LARGE1: variants seen among roughly 807,000 people sequenced by gnomAD.
LARGE1 encodes LARGE xylosyl- and glucuronyltransferase 1.
LARGE1 carries 43 observed loss-of-function variants against 87.6 expected under a neutral mutation model. The observed-to-expected ratio is 0.49, with a 90% confidence interval of 0.38 to 0.63. LARGE1 has a LOEUF of 0.63. Among genes scored for constraint, LARGE1 ranks in the 30% least tolerant of loss-of-function variants. The pLI, the probability that LARGE1 is intolerant of heterozygous loss-of-function variation, is 0.00. For synonymous variants in LARGE1, 434 were observed against 394.6 expected, an observed-to-expected ratio of 1.10 and a Z score of -1.18; for missense variants, 802 against 1,000.2, an observed-to-expected ratio of 0.80 and a Z score of 2.67.
chr22:33,427,395 G>C (rs959297085), intron 7 of LARGE1, among the ~76,000 whole-genome samples: 3 of 152,186 alleles, frequency 2.0e-5, no homozygotes, highest in Non-Finnish European at 4.4e-5. Flanking sequence ...GAGATGAATG[G>C]GAGATGGTGG....
chr22:33,784,867 G>A lies in LARGE1; in HGVS notation c.-82-23309C>T, dbSNP rs117447920. Among the ~76,000 whole-genome samples the A allele has an allele frequency of 7.3e-3, 1,093 of 150,214 alleles. 9 individuals are homozygous for A. Among genetic ancestry groups the A allele is most frequent in the African/African-American group, 0.023 (951 of 40,912 alleles). On this transcript the variant is annotated intron_variant, in intron 1 of 14. Coordinates refer to ENST00000397394, the MANE Select transcript of LARGE1 (RefSeq NM_133642.5). ...ACACATAGACAGTTTATATTTGTAC[G>A]TATTTATACTATATTTGTACAGTAT...
chr22:33,152,871 A>G, the LARGE1 span, among the ~76,000 whole-genome samples: 59 of 151,954 alleles, frequency 3.9e-4, no homozygotes, highest in African/African-American at 1.3e-3. Context: ...TTTTGTTATT[A>G]TTTTTTATCT....
At chr22:33,183,636 A>ACACACACACACGCACG (rs1555880700) in intron 11 of LARGE1, among the ~76,000 whole-genome samples, 6 of 150,146 alleles carry the variant, frequency 4.0e-5, no homozygotes, top group Admixed American at 6.6e-5. Context: ...ACACACACAC[A>ACACACACACACGCACG]CACACACACA....
chr22:33,684,849 G>C (rs989729212), intron 2 of LARGE1, among the ~76,000 whole-genome samples: 11 of 152,172 alleles, frequency 7.2e-5, no homozygotes, highest in Admixed American at 2.0e-4. Context: ...AGTTGATTCA[G>C]ATCAACTTCT....
At chr22:33,247,069 GTGTGTGTGTGTGTGTGTTGT>G (rs1364809840) in intron 11 of LARGE1, among the ~76,000 whole-genome samples, 1 of 138,506 alleles carries the variant, frequency 7.2e-6, no homozygotes, top group African/African-American at 3.5e-5. Flanking sequence ...GTGTGTGTGT[GTGTGTGTGTGTGTGTGTTGT>G]ATCTTTTCAG....
chr22:33,781,924 T>C (rs1036831614), intron 1 of LARGE1, among the ~76,000 whole-genome samples: 2 of 151,582 alleles, frequency 1.3e-5, no homozygotes, highest in African/African-American at 4.9e-5. Context: ...TAAAAGAAAA[T>C]CAATGTGTGT....
At chr22:33,433,209 A>G (rs890519753) in intron 6 of LARGE1, among the ~76,000 whole-genome samples, 2 of 152,198 alleles carry the variant, frequency 1.3e-5, no homozygotes, top group African/African-American at 4.8e-5. Flanking sequence ...ATTTGTTTGA[A>G]ACAAAGATTC....
intron 6 of LARGE1, among the ~76,000 whole-genome samples, chr22:33,459,935 A>T (rs2068304756): frequency 6.6e-6 from 1 of 152,216 alleles, no homozygotes; most frequent in Admixed American, 6.5e-5. Context: ...AGCCTAGGCA[A>T]TGGGCAGATA....
intron 1 of LARGE1, among the ~76,000 whole-genome samples, chr22:33,866,041 G>T (rs1942127039): frequency 1.3e-5 from 2 of 151,340 alleles, no homozygotes; most frequent in African/African-American, 4.9e-5. Flanking sequence ...TAGAGATAGG[G>T]TTTCACCATG....
rs2069015189 is a variant in LARGE1 at position 33,475,110 on chromosome 22, CAG to C, written c.788-42847_788-42846del. 2.0e-5 allele frequency among the ~76,000 whole-genome samples: 3 copies of C among 152,074 alleles called. No homozygotes were observed. In the South Asian group the frequency reaches 6.2e-4, roughly 32 times the overall value. On this transcript the variant is annotated intron_variant, in intron 6 of 14. Coordinates refer to ENST00000397394, the MANE Select transcript of LARGE1 (RefSeq NM_133642.5). ...GAATGGCATAGTCTACTCACTGGAA[CAG>C]AGTCTTTGTGTTTAATATGAGGGGT...
At chr22:33,142,423 C>G in the LARGE1 span, among the ~76,000 whole-genome samples, 3 of 152,130 alleles carry the variant, frequency 2.0e-5, no homozygotes, top group South Asian at 4.1e-4. Context: ...CTAGCTGTGA[C>G]ATTGGCCTTC....
intron 1 of LARGE1, among the ~76,000 whole-genome samples, chr22:33,778,276 C>T (rs191376343): frequency 2.4e-4 from 36 of 152,208 alleles, no homozygotes; most frequent in Non-Finnish European, 4.7e-4. Context: ...TCAAGATACC[C>T]CCTGATTTGA....
chr22:33,284,829 C>G (rs2145913110), intron 12 of LARGE1, among the ~76,000 whole-genome samples: 1 of 152,296 alleles, frequency 6.6e-6, no homozygotes. Context: ...CCCGCCTTGG[C>G]CTCCCAAAGT....
intron 6 of LARGE1, among the ~76,000 whole-genome samples, chr22:33,469,259 T>C (rs551305814): frequency 6.6e-6 from 1 of 152,166 alleles, no homozygotes; most frequent in South Asian, 2.1e-4. Context: ...CTATTCACAA[T>C]AGCAAAGGCA....
the LARGE1 span, among the ~76,000 whole-genome samples, chr22:33,120,901 T>G: frequency 1.3e-5 from 2 of 151,956 alleles, no homozygotes; most frequent in African/African-American, 4.8e-5. Flanking sequence ...GGGGCTCATC[T>G]TTGAGGTCAG....
chr22:33,415,769 G>A (rs2066465068), intron 7 of LARGE1, among the ~76,000 whole-genome samples: 1 of 152,156 alleles, frequency 6.6e-6, no homozygotes, highest in African/African-American at 2.4e-5. Context: ...CCTGAGAGAT[G>A]AACACTTGGC....
At chr22:33,415,107 T>C (rs1189185519) in intron 7 of LARGE1, among the ~76,000 whole-genome samples, 1 of 152,056 alleles carries the variant, frequency 6.6e-6, no homozygotes, top group Non-Finnish European at 1.5e-5. Context: ...GCATGAGCAA[T>C]AAAGGGCAAG....
In LARGE1 at chr22:33,572,848, C is replaced by T. The variant is rs367611379; in HGVS notation, c.616-7829G>A. On this transcript the variant is annotated intron_variant, in intron 5 of 14. Transcript: ENST00000397394. ...TCGTGCCACTACACTCCAGCCTGGG[C>T]GACAGAGTGAGACTTTGTCTCAAAA... 7.1e-4 allele frequency among the ~76,000 whole-genome samples: 108 copies of T among 151,890 alleles called. 1 individual carries two copies. Among genetic ancestry groups the T allele is most frequent in the African/African-American group, 2.1e-3 (86 of 41,426 alleles).
At chr22:33,874,759 T>C (rs1055292358) in intron 1 of LARGE1, among the ~76,000 whole-genome samples, 15 of 152,140 alleles carry the variant, frequency 9.9e-5, no homozygotes, top group African/African-American at 2.9e-4. Context: ...CCTTGTCTGT[T>C]AAACATGGAA....
Sources: gnomAD v4.1 joint callset for allele counts (sites outside exome capture counted in the v4.1 genomes callset) on GRCh38, gnomAD v4.1.1 for gene constraint, MANE v1.5 for transcripts, NCBI Gene and HGNC (gene_info 2026-07-23, HGNC 2026-07-21) for gene names.